The following TMEM132C variants were observed in gnomAD, a reference collection of about 807,000 sequenced individuals.
The protein encoded by TMEM132C is protein phosphatase 1, regulatory subunit 152.
Under a neutral mutation model 61.4 loss-of-function variants are expected in TMEM132C, and 29 were observed. That is an observed-to-expected ratio of 0.47 (90% CI 0.35 to 0.64). The LOEUF is 0.64. Ranked by LOEUF, TMEM132C falls within the 30% of genes least tolerant of loss-of-function variation. TMEM132C has a pLI of 0.00. For synonymous variants in TMEM132C, 656 were observed against 633.1 expected (o/e 1.04, Z -0.54); for missense variants, 1,408 against 1,476.9 (o/e 0.95, Z 0.76).
intron 4 of TMEM132C, among the ~76,000 whole-genome samples, chr12:128,662,814 G>C (rs1179889172): frequency 6.6e-6 from 1 of 152,070 alleles, no homozygotes; most frequent in Non-Finnish European, 1.5e-5. Flanking sequence ...GAGGTTGTTT[G>C]CTGCTCTCTG....
rs185090621 is a variant in TMEM132C at position 128,509,451 on chromosome 12, A to G, written c.975-34506A>G. Among the ~76,000 whole-genome samples the G allele has an allele frequency of 3.0e-3, 450 of 152,340 alleles. 8 individuals are homozygous for G. The highest frequency in any genetic ancestry group is 7.7e-4 in the East Asian group (4 of 5,188). ...GAGGAACAGTCAACTATGCATTCTT[A>G]GTGTGCTCAGTAAATCTGCGTTTTA... is the stretch of plus-strand genomic sequence containing the variant. On this transcript the variant is annotated intron_variant, in intron 2 of 8. Coordinates refer to ENST00000435159, the MANE Select transcript of TMEM132C (RefSeq NM_001136103.3).
intron 7 of TMEM132C, among the ~76,000 whole-genome samples, chr12:128,696,885 C>T (rs1277905470): frequency 6.6e-6 from 1 of 152,200 alleles, no homozygotes; most frequent in Non-Finnish European, 1.5e-5. Context: ...CTTCATGAGT[C>T]TGTTCAACAG....
intron 3 of TMEM132C, among the ~76,000 whole-genome samples, chr12:128,575,233 A>G (rs544122162): frequency 3.1e-4 from 47 of 152,196 alleles, no homozygotes; most frequent in Admixed American, 1.6e-3. Flanking sequence ...TAATCCCAAC[A>G]CTTTGGGGGG....
At chr12:128,373,062 C>T (rs971220347) in intron 1 of TMEM132C, among the ~76,000 whole-genome samples, 1 of 152,148 alleles carries the variant, frequency 6.6e-6, no homozygotes, top group African/African-American at 2.4e-5. Flanking sequence ...AATGGTGTGT[C>T]ATGCAATAAA....
chr12:128,612,738 A>G (rs1219364620), intron 3 of TMEM132C, among the ~76,000 whole-genome samples: 1 of 152,228 alleles, frequency 6.6e-6, no homozygotes, highest in African/African-American at 2.4e-5. Flanking sequence ...AACTACAACA[A>G]AACGCTTTCG....
At chr12:128,382,222 T>C (rs1874423681) in intron 1 of TMEM132C, among the ~76,000 whole-genome samples, 1 of 152,186 alleles carries the variant, frequency 6.6e-6, no homozygotes, top group Non-Finnish European at 1.5e-5. Flanking sequence ...CATACAGCTT[T>C]GTGCTCACAG....
At chr12:128,566,300 T>C (rs763548594) in intron 3 of TMEM132C, among the ~76,000 whole-genome samples, 3 of 152,010 alleles carry the variant, frequency 2.0e-5, no homozygotes, top group Non-Finnish European at 4.4e-5. Flanking sequence ...AACATGAGGA[T>C]GAACATAGGT....
chr12:128,357,962 G>A lies in TMEM132C; in HGVS notation c.86-56770G>A, dbSNP rs544662927. On this transcript the variant is annotated intron_variant, in intron 1 of 8. Coordinates refer to ENST00000435159, the MANE Select transcript of TMEM132C (RefSeq NM_001136103.3). The stretch of plus-strand genomic sequence containing the variant: ...TGAATGGAACACACGGCCCCACCCT[G>A]CTCAGGGGCCAGGAGTGTCCTTGGT... 1.6e-4 allele frequency among the ~76,000 whole-genome samples: 24 copies of A among 152,172 alleles called. No homozygotes were observed. The South Asian group carries it at 4.6e-3, about 29-fold the overall frequency.
At chr12:128,523,095 G>C (rs1207537579) in intron 2 of TMEM132C, among the ~76,000 whole-genome samples, 1 of 152,162 alleles carries the variant, frequency 6.6e-6, no homozygotes, top group Non-Finnish European at 1.5e-5. Flanking sequence ...AGGAAATTCT[G>C]ACTCACATTA....
At chr12:128,408,994 A>G (rs1868419651) in intron 1 of TMEM132C, among the ~76,000 whole-genome samples, 1 of 152,108 alleles carries the variant, frequency 6.6e-6, no homozygotes, top group South Asian at 2.1e-4. Flanking sequence ...GGCTGGAAAG[A>G]AGGAGAGAGA....
rs574928034 is a variant in TMEM132C, at chr12:128,278,249, A to C, written c.85+10762A>C. Reference sequence around the variant, plus strand: ...CCCTCTTTCCTGCCTCCTAAATGGCAATAGGTTCTTATCTTCAATTTTTGT... The same window carrying C: ...CCCTCTTTCCTGCCTCCTAAATGGCCATAGGTTCTTATCTTCAATTTTTGT... On this transcript the variant is annotated intron_variant, in intron 1 of 8. Coordinates refer to ENST00000435159, the MANE Select transcript of TMEM132C (RefSeq NM_001136103.3). This position sits in a 1 kb window ranked among gnomAD's most constrained non-coding sequence, Gnocchi z 4.2. Among the ~76,000 whole-genome samples the C allele has an allele frequency of 6.6e-6, 1 of 152,282 alleles. No individual in the cohort carries two copies. The highest frequency in any genetic ancestry group is 1.9e-4 in the East Asian group (1 of 5,156).
chr12:128,575,769 C>T (rs566490933), intron 3 of TMEM132C, among the ~76,000 whole-genome samples: 5 of 152,248 alleles, frequency 3.3e-5, no homozygotes, highest in East Asian at 3.9e-4. Flanking sequence ...AGGTCAAGGA[C>T]GACGCACTAT....
chr12:128,557,931 G>A (rs1396502837), intron 3 of TMEM132C, among the ~76,000 whole-genome samples: 4 of 152,206 alleles, frequency 2.6e-5, no homozygotes, highest in African/African-American at 7.2e-5. Flanking sequence ...AAATAACAAC[G>A]TGGCCTCTTG....
At chr12:128,451,429 T>C (rs1870171500) in intron 2 of TMEM132C, among the ~76,000 whole-genome samples, 1 of 152,190 alleles carries the variant, frequency 6.6e-6, no homozygotes. Context: ...CTTCATCCTT[T>C]TTAATTTGTG....
intron 4 of TMEM132C, among the ~76,000 whole-genome samples, chr12:128,626,438 C>CATTTTT (rs71069585): frequency 0.14 from 15,577 of 113,770 alleles, 1,489 homozygotes; most frequent in Middle Eastern, 0.16. Context: ...CTGTGCTGAA[C>CATTTTT]ATTTTTATTT....
At chr12:128,362,427 T>C (rs557708541) in intron 1 of TMEM132C, among the ~76,000 whole-genome samples, 2 of 152,310 alleles carry the variant, frequency 1.3e-5, no homozygotes, top group East Asian at 3.9e-4. Flanking sequence ...GATTCATTAA[T>C]GGTGTGAGTT....
chr12:128,705,673 C>A lies in TMEM132C; in HGVS notation c.2705C>A (p.Pro902His). Reference sequence around the variant, plus strand: ...AACTTCCCTGCCCACGTGGACCTCCCCAAGGCCGGGAGTGGGCTGGAGGAA... The same window carrying A: ...AACTTCCCTGCCCACGTGGACCTCCACAAGGCCGGGAGTGGGCTGGAGGAA... ...FTNFPAHVDL[P>H]KAGSGLEEND... The change falls in exon 9 of 9, where the codon CCC becomes CAC. Residue 902 changes from proline to histidine, a missense_variant. Coordinates refer to ENST00000435159, the MANE Select transcript of TMEM132C (RefSeq NM_001136103.3). The A allele has an allele frequency of 6.4e-7, 1 of 1,551,388 alleles. No individual in the cohort carries two copies. Among genetic ancestry groups the A allele is most frequent in the Non-Finnish European group, 8.7e-7 (1 of 1,146,990 alleles).
chr12:128,597,268 T>C (rs1220567963), intron 3 of TMEM132C, among the ~76,000 whole-genome samples: 1 of 151,674 alleles, frequency 6.6e-6, no homozygotes, highest in Non-Finnish European at 1.5e-5. Flanking sequence ...TCACTTGAGG[T>C]CAGGAGTTTG....
rs35838751 is a variant in TMEM132C, at chr12:128,454,775, A to T, written c.974+39155A>T. Among the ~76,000 whole-genome samples, 1,088 of 152,358 alleles carry T rather than the reference A, an allele frequency of 7.1e-3. 9 individuals carry two copies. Among genetic ancestry groups the T allele is most frequent in the Non-Finnish European group, 0.01 (706 of 68,036 alleles). On this transcript the variant is annotated intron_variant, in intron 2 of 8. Transcript: ENST00000435159. Reference sequence around the variant, plus strand: ...AAAGATAGCAGACAGATTCAAGAAGAGGTTTGTGTGCAAACCGATATTCAC... The same window carrying T: ...AAAGATAGCAGACAGATTCAAGAAGTGGTTTGTGTGCAAACCGATATTCAC...
Sources: allele counts gnomAD v4.1 joint callset (sites outside exome capture counted in the v4.1 genomes callset), GRCh38; gene constraint gnomAD v4.1.1; non-coding constraint Gnocchi (gnomAD v3.1); transcripts MANE v1.5; gene names NCBI Gene and HGNC (gene_info 2026-07-23, HGNC 2026-07-21).